The following CUBN variants were observed in gnomAD, a reference collection of about 807,000 sequenced individuals.
CUBN encodes cubilin, also known as 460 kDa receptor.
CUBN carries 282 observed loss-of-function variants against 405.3 expected under a neutral mutation model. The observed-to-expected ratio is 0.70, with a 90% CI of 0.63 to 0.77. CUBN has a LOEUF of 0.77. Ranked by LOEUF, CUBN falls within the 30% of genes least tolerant of loss-of-function variation. The pLI is 0.00. For missense variants in CUBN, 4,514 were observed against 4,475.2 expected (o/e 1.01, Z -0.25); for synonymous variants, 1,684 against 1,617.0 (o/e 1.04, Z -0.99).
At position 17,041,088 on chromosome 10, in the gene CUBN, G is replaced by T. The variant is rs530633347; in HGVS notation, c.3962C>A (p.Thr1321Lys). 24 of 1,613,834 alleles carry T rather than the reference G, an allele frequency of 1.5e-5. No individual in the cohort carries two copies. The South Asian group carries it at 2.6e-4, about 18-fold the overall frequency. The stretch of plus-strand genomic sequence containing the variant: ...ATGTTCCAAGTCAAATGCTAAAAAT[G>T]TGTAGTTCACAGTGTTGCCTGTTGT... ...RATTGNTVNY[T>K]FLAFDLEHHI... Residue 1321 changes from threonine to lysine, a missense_variant, in exon 27 of 67, where the codon ACA (threonine) becomes AAA (lysine). Transcript: ENST00000377833.
chr10:16,828,869 T>C lies in CUBN; in HGVS notation c.10700A>G (p.Asn3567Ser), dbSNP rs1838877862. 4 of 1,614,186 alleles carry C rather than the reference T, an allele frequency of 2.5e-6. No homozygotes were observed. The highest frequency in any genetic ancestry group is 8.5e-7 in the Non-Finnish European group (1 of 1,180,028). The change falls in exon 66 of 67, where the codon AAC becomes AGC. Residue 3567 changes from asparagine to serine, a missense_variant. Asn to Ser is a conservative substitution (Grantham distance 46, BLOSUM62 1). This residue lies in a region of CUBN where 1,186 missense variants were observed against 1,186.9 expected (regional missense o/e 1.00). Coordinates refer to ENST00000377833, the MANE Select transcript of CUBN (RefSeq NM_001081.4). ...SIDDPGDCVQNYLTLYDGPNA... is the reference protein window; with the variant it reads ...SIDDPGDCVQSYLTLYDGPNA... Reference sequence around the variant, plus strand: ...GGGCCCATCATAGAGTGTGAGATAGTTCTGGACACAGTCTCCTGGATCGTC... The same window carrying C: ...GGGCCCATCATAGAGTGTGAGATAGCTCTGGACACAGTCTCCTGGATCGTC...
At chr10:16,858,027 G>A (rs114709956) in intron 59 of CUBN, among the ~76,000 whole-genome samples, 2,493 of 151,800 alleles carry the variant, frequency 0.016, 64 homozygotes, top group African/African-American at 0.056. Context: ...ATTAACATGT[G>A]GAGACCAAAA....
In CUBN at chr10:16,913,940, G is replaced by A; in HGVS notation, c.7404C>T (p.Tyr2468=). The A allele has an allele frequency of 6.2e-7, 1 of 1,614,080 alleles. No individual in the cohort carries two copies. The highest frequency in any genetic ancestry group is 8.5e-7 in the Non-Finnish European group (1 of 1,180,008). The part of the protein sequence containing the change: ...GSIGTFTSPN[Y]PNPNPHGRIC... ...TCCGGCCATGAGGATTTGGGTTCGGGTAGTTGGGAGAAGTAAATGTTCCAA... is the reference window on the plus strand; with the variant it reads ...TCCGGCCATGAGGATTTGGGTTCGGATAGTTGGGAGAAGTAAATGTTCCAA... Residue 2468 remains tyrosine, a synonymous_variant, in exon 48 of 67, where the codon TAC becomes TAT. Transcript: ENST00000377833.
At chr10:17,115,428 C>A (rs1480367518) in intron 7 of CUBN, 43 bp downstream of exon 7, 1 of 1,612,232 alleles carries the variant, frequency 6.2e-7, no homozygotes, top group Non-Finnish European at 8.5e-7. Context: ...GAGCTACTAA[C>A]CATGGCTCTC....
chr10:16,848,260 C>G (rs1243568354), intron 60 of CUBN, among the ~76,000 whole-genome samples: 2 of 152,220 alleles, frequency 1.3e-5, no homozygotes, highest in East Asian at 3.9e-4. Context: ...ACTCTCCTAG[C>G]AGGGCCATAC....
intron 26 of CUBN, among the ~76,000 whole-genome samples, chr10:17,041,497 C>T (rs1008733693): frequency 6.6e-6 from 1 of 151,914 alleles, no homozygotes; most frequent in Non-Finnish European, 1.5e-5. Flanking sequence ...ATTAAATAGT[C>T]ATGTTAAAAT....
At chr10:16,941,002 C>T (rs1227633924) in intron 36 of CUBN, among the ~76,000 whole-genome samples, 1 of 151,984 alleles carries the variant, frequency 6.6e-6, no homozygotes, top group African/African-American at 2.4e-5. Context: ...GTTGGGGAGT[C>T]GAGGATAGGA....
intron 66 of CUBN, among the ~76,000 whole-genome samples, chr10:16,827,780 T>C (rs1451231590): frequency 2.6e-5 from 4 of 152,228 alleles, no homozygotes; most frequent in Non-Finnish European, 5.9e-5. Flanking sequence ...TTTGTATTTT[T>C]AGTAGAGACG....
At chr10:16,839,913 G>A (rs1173407279) in intron 62 of CUBN, among the ~76,000 whole-genome samples, 1 of 152,098 alleles carries the variant, frequency 6.6e-6, no homozygotes, top group Non-Finnish European at 1.5e-5. Context: ...CATGTCCTTT[G>A]TAGGGACATG....
At chr10:16,984,360 C>T (rs1262855574) in intron 29 of CUBN, 81 bp from the exon 30 acceptor site, 33 of 1,327,548 alleles carry the variant, frequency 2.5e-5, no homozygotes, top group Non-Finnish European at 3.3e-5. Context: ...TTTTGACCCC[C>T]GGCTCCTTGG....
intron 43 of CUBN, among the ~76,000 whole-genome samples, chr10:16,924,415 GA>G (rs144250387): frequency 0.14 from 20,853 of 152,094 alleles, 1,453 homozygotes; most frequent in South Asian, 0.17. Context: ...GTCAGTTGGT[GA>G]AGACTCTTAT....
intron 57 of CUBN, among the ~76,000 whole-genome samples, chr10:16,875,600 G>A (rs1231103933): frequency 6.6e-6 from 1 of 152,166 alleles, no homozygotes; most frequent in Non-Finnish European, 1.5e-5. Flanking sequence ...AGGTCCATCT[G>A]TAAAAGTGAA....
At chr10:17,038,250 GA>G (rs1834941037) in intron 27 of CUBN, among the ~76,000 whole-genome samples, 1 of 152,106 alleles carries the variant, frequency 6.6e-6, no homozygotes, top group Non-Finnish European at 1.5e-5. Context: ...TCACTCGTTT[GA>G]AATCTCCTTT....
chr10:17,036,592 G>A (rs1834906019), intron 27 of CUBN, among the ~76,000 whole-genome samples: 1 of 152,106 alleles, frequency 6.6e-6, no homozygotes, highest in Non-Finnish European at 1.5e-5. Context: ...AGGAGAACCA[G>A]CAGGGCTGCC....
intron 28 of CUBN, among the ~76,000 whole-genome samples, chr10:16,990,829 A>C (rs3816871): frequency 0.082 from 12,507 of 152,224 alleles, 695 homozygotes; most frequent in African/African-American, 0.15. Flanking sequence ...GATTTTCTTT[A>C]TTATAATAAG....
At chr10:17,088,083 T>A (rs1183899149) in intron 15 of CUBN, 81 bp downstream of exon 15, 2 of 1,078,164 alleles carry the variant, frequency 1.9e-6, no homozygotes, top group Non-Finnish European at 2.8e-6. Flanking sequence ...TATTTTGGGG[T>A]CATCCATGGG....
intron 15 of CUBN, among the ~76,000 whole-genome samples, chr10:17,086,748 T>A (rs1836119230): frequency 6.6e-6 from 1 of 152,214 alleles, no homozygotes; most frequent in Non-Finnish European, 1.5e-5. Flanking sequence ...CTTTTCTTAC[T>A]GGGATCAAAG....
At chr10:16,835,979 T>C (rs570306668) in intron 63 of CUBN, among the ~76,000 whole-genome samples, 5 of 152,324 alleles carry the variant, frequency 3.3e-5, no homozygotes, top group African/African-American at 1.2e-4. Context: ...ATTTTTAAAA[T>C]CAACTACATA....
chr10:17,019,322 T>A (rs1000328885), intron 28 of CUBN, among the ~76,000 whole-genome samples: 40 of 152,162 alleles, frequency 2.6e-4, no homozygotes, highest in Non-Finnish European at 1.6e-4. Context: ...GTACAACACA[T>A]GCCCCTGGCT....
Sources: allele counts gnomAD v4.1 joint callset (sites outside exome capture counted in the v4.1 genomes callset), GRCh38; gene constraint gnomAD v4.1.1; regional missense constraint gnomAD v4.1.1; transcripts MANE v1.5; gene names NCBI Gene and HGNC (gene_info 2026-07-23, HGNC 2026-07-21).